The following STX18 variants were observed in gnomAD, a reference collection of about 807,000 sequenced individuals.
STX18 encodes syntaxin 18.
Under a neutral mutation model 50.1 loss-of-function variants are expected in STX18, and 40 were observed. That is an observed-to-expected ratio of 0.80 (90% CI 0.62 to 1.04). The LOEUF is 1.04. Among genes scored for constraint, STX18 ranks in the 50% least tolerant of loss-of-function variants. The pLI is 0.00. For synonymous variants in STX18, 158 were observed against 151.8 expected (o/e 1.04, Z -0.30); for missense variants, 410 against 415.8 (o/e 0.99, Z 0.12).
intron 2 of STX18, among the ~76,000 whole-genome samples, chr4:4,468,224 C>T (rs923963103): frequency 3.3e-5 from 5 of 152,098 alleles, no homozygotes; most frequent in Non-Finnish European, 5.9e-5. Flanking sequence ...AGCCTTGAAA[C>T]GTACTTTCTC....
intron 5 of STX18, among the ~76,000 whole-genome samples, chr4:4,445,143 T>C (rs1726322140): frequency 6.6e-6 from 1 of 152,248 alleles, no homozygotes. Flanking sequence ...GGCTCATGCC[T>C]GTAATCCCAG....
intron 1 of STX18, among the ~76,000 whole-genome samples, chr4:4,530,294 G>C (rs1234782238): frequency 2.6e-5 from 4 of 151,936 alleles, no homozygotes; most frequent in African/African-American, 9.7e-5. Context: ...TCCATGCCTA[G>C]AGTTTTTTGG....
intron 2 of STX18, among the ~76,000 whole-genome samples, chr4:4,471,234 C>A (rs1727900093): frequency 6.6e-6 from 1 of 152,168 alleles, no homozygotes; most frequent in Non-Finnish European, 1.5e-5. Context: ...GTCACCAAAC[C>A]AGCAAAACTG....
intron 1 of STX18, among the ~76,000 whole-genome samples, chr4:4,518,164 A>T (rs1423593028): frequency 2.0e-5 from 3 of 152,242 alleles, no homozygotes; most frequent in African/African-American, 7.2e-5. Context: ...AAATGTGTTA[A>T]ATCTTTATGC....
intron 5 of STX18, among the ~76,000 whole-genome samples, chr4:4,444,148 T>C (rs7698589): frequency 0.15 from 22,148 of 152,224 alleles, 2,492 homozygotes; most frequent in African/African-American, 0.32. Context: ...GTGGAGGTTG[T>C]TTGGCGGGAG....
chr4:4,431,111 TCA>T (rs1560159668), intron 7 of STX18, among the ~76,000 whole-genome samples: 1 of 152,010 alleles, frequency 6.6e-6, no homozygotes, highest in East Asian at 1.9e-4. Context: ...GCAAAAATCC[TCA>T]GACAAACAAC....
chr4:4,507,386 T>C (rs1729764298), intron 1 of STX18: 1 of 755,978 alleles, frequency 1.3e-6, no homozygotes, highest in Non-Finnish European at 2.5e-6. Flanking sequence ...GCTATCACAA[T>C]CTTTGTTCCC....
intron 1 of STX18, among the ~76,000 whole-genome samples, chr4:4,517,049 A>G (rs1004294309): frequency 2.0e-5 from 3 of 152,192 alleles, no homozygotes; most frequent in African/African-American, 7.2e-5. Flanking sequence ...TTTGCTTAGT[A>G]TGCTTTATCA....
intron 5 of STX18, among the ~76,000 whole-genome samples, chr4:4,450,346 G>A (rs780605955): frequency 6.6e-6 from 1 of 152,130 alleles, no homozygotes; most frequent in Non-Finnish European, 1.5e-5. Flanking sequence ...TTTAGAGACA[G>A]TGTCTCGCTC....
chr4:4,434,403 T>C (rs1159098725), intron 7 of STX18, among the ~76,000 whole-genome samples: 1 of 152,254 alleles, frequency 6.6e-6, no homozygotes, highest in Non-Finnish European at 1.5e-5. Context: ...TCAGTCATTA[T>C]CTTACTTTTT....
chr4:4,530,114 A>G (rs1255582541), intron 1 of STX18, among the ~76,000 whole-genome samples: 1 of 152,178 alleles, frequency 6.6e-6, no homozygotes, highest in Non-Finnish European at 1.5e-5. Context: ...CACAGCAAAT[A>G]AAAACTCATC....
chr4:4,423,644 C>T, intron 8 of STX18, 57 bp from the exon 9 acceptor site: 1 of 1,516,280 alleles, frequency 6.6e-7, no homozygotes, highest in Non-Finnish European at 9.2e-7. Flanking sequence ...TCTAACAGGA[C>T]TGTTACACAC....
intron 1 of STX18, among the ~76,000 whole-genome samples, chr4:4,491,051 T>C (rs1466881985): frequency 6.6e-6 from 1 of 152,140 alleles, no homozygotes; most frequent in African/African-American, 2.4e-5. Flanking sequence ...GTGTTTACTT[T>C]TGTTGTTCAA....
At chr4:4,455,067 C>G (rs1726993741) in intron 5 of STX18, among the ~76,000 whole-genome samples, 1 of 152,180 alleles carries the variant, frequency 6.6e-6, no homozygotes, top group South Asian at 2.1e-4. Flanking sequence ...GCAACCTGCT[C>G]AAAGTCACAC....
At chr4:4,515,882 G>A (rs1285901811) in intron 1 of STX18, among the ~76,000 whole-genome samples, 4 of 151,830 alleles carry the variant, frequency 2.6e-5, no homozygotes, top group South Asian at 2.1e-4. Context: ...TTGATTTGCA[G>A]GCAAGAGTAA....
intron 1 of STX18, among the ~76,000 whole-genome samples, chr4:4,495,035 G>A (rs1300108081): frequency 6.6e-6 from 1 of 152,188 alleles, no homozygotes; most frequent in Non-Finnish European, 1.5e-5. Flanking sequence ...ACTGATGTAG[G>A]AGCCAGAGGA....
Position 4,525,383 on chromosome 4 carries a change from A to G in STX18, c.168+16414T>C, listed in dbSNP as rs180735913. Among the ~76,000 whole-genome samples, 7 of 152,330 alleles carry G rather than the reference A, an allele frequency of 4.6e-5. No individual in the cohort carries two copies. The East Asian group carries it at 1.2e-3, about 25-fold the overall frequency. On this transcript the variant is annotated intron_variant, in intron 1 of 10. Transcript: ENST00000306200. ...GCTTGAGGGAGAACTGTTAATGATG[A>G]AAAAAACTAAATGGAAAACTGGATT...
intron 1 of STX18, among the ~76,000 whole-genome samples, chr4:4,515,628 T>G (rs1049477728): frequency 1.3e-5 from 2 of 152,112 alleles, no homozygotes; most frequent in Non-Finnish European, 2.9e-5. Context: ...CGATAAGACA[T>G]CTGACAAAAG....
At chr4:4,482,698 TTC>T (rs1194088444) in intron 1 of STX18, among the ~76,000 whole-genome samples, 1 of 152,190 alleles carries the variant, frequency 6.6e-6, no homozygotes, top group Admixed American at 6.5e-5. Context: ...TGGCACCTGC[TTC>T]TCTCTGCCCA....
Sources: gnomAD v4.1 joint callset for allele counts (sites outside exome capture counted in the v4.1 genomes callset) on GRCh38, gnomAD v4.1.1 for gene constraint, MANE v1.5 for transcripts, NCBI Gene and HGNC (gene_info 2026-07-23, HGNC 2026-07-21) for gene names.